The following CCSER1 variants were observed in gnomAD, a reference collection of about 807,000 sequenced individuals.
CCSER1 encodes serine-rich coiled-coil domain-containing protein 1.
In CCSER1, 41 loss-of-function variants were observed where a neutral mutation model predicts 82.0. That is an observed-to-expected ratio of 0.50 (90% confidence interval 0.39 to 0.65). The LOEUF is 0.65. Ranked by LOEUF, CCSER1 falls within the 30% of genes least tolerant of loss-of-function variation. The pLI is 0.00. For synonymous variants in CCSER1, 414 were observed against 383.9 expected (o/e 1.08, Z -0.92); for missense variants, 1,119 against 1,064.2 (o/e 1.05, Z -0.72).
At chr4:91,460,741 T>C (rs1756456562) in intron 10 of CCSER1, among the ~76,000 whole-genome samples, 1 of 152,158 alleles carries the variant, frequency 6.6e-6, no homozygotes, top group South Asian at 2.1e-4. Flanking sequence ...TGGTAAAATC[T>C]CTTATTGTGA....
chr4:90,823,277 AT>A (rs1317631807), intron 8 of CCSER1, among the ~76,000 whole-genome samples: 2 of 152,090 alleles, frequency 1.3e-5, no homozygotes, highest in Non-Finnish European at 2.9e-5. Flanking sequence ...ATTTTTTTCA[AT>A]TATCACATTT....
intron 1 of CCSER1, among the ~76,000 whole-genome samples, chr4:90,254,847 T>G (rs1010264995): frequency 2.6e-5 from 4 of 152,156 alleles, no homozygotes; most frequent in Non-Finnish European, 5.9e-5. Context: ...ATAATTTAAG[T>G]GGTTACTTTA....
chr4:91,115,861 T>TATATATATATATATA (rs757901995), intron 10 of CCSER1, among the ~76,000 whole-genome samples: 18 of 133,558 alleles, frequency 1.3e-4, no homozygotes, highest in African/African-American at 4.5e-4. Flanking sequence ...ATATATATAT[T>TATATATATATATATA]TTTTTTTATT....
chr4:91,406,321 A>G (rs189237861), intron 10 of CCSER1, among the ~76,000 whole-genome samples: 6 of 152,320 alleles, frequency 3.9e-5, no homozygotes, highest in Non-Finnish European at 7.4e-5. Context: ...GAAGTCAAAC[A>G]GCAGGGTCTC....
At chr4:91,388,233 C>A (rs1314843170) in intron 10 of CCSER1, among the ~76,000 whole-genome samples, 1 of 151,882 alleles carries the variant, frequency 6.6e-6, no homozygotes, top group Non-Finnish European at 1.5e-5. Context: ...AGAAAAGCTG[C>A]CATAACCTCT....
rs1182936689 is a variant in CCSER1, at chr4:91,348,736, A to G, written c.2218-249836A>G. 2.6e-5 allele frequency among the ~76,000 whole-genome samples: 4 copies of G among 152,280 alleles called. No individual in the cohort carries two copies. The East Asian group carries it at 7.7e-4, about 29-fold the overall frequency. On this transcript the variant is annotated intron_variant, in intron 10 of 10. Transcript: ENST00000509176. ...TCCAGGTTATCAAATGTGTGGGCACATAGTTGTTCACAATATTTTTTTATA... is the reference window on the plus strand; with the variant it reads ...TCCAGGTTATCAAATGTGTGGGCACGTAGTTGTTCACAATATTTTTTTATA...
At chr4:90,919,179 C>G (rs1391937747) in intron 8 of CCSER1, among the ~76,000 whole-genome samples, 1 of 149,924 alleles carries the variant, frequency 6.7e-6, no homozygotes, top group African/African-American at 2.5e-5. Context: ...TTATTTCCAT[C>G]TGTAATTACT....
chr4:90,732,195 G>A (rs1744885140), intron 7 of CCSER1, among the ~76,000 whole-genome samples: 1 of 152,152 alleles, frequency 6.6e-6, no homozygotes, highest in Non-Finnish European at 1.5e-5. Flanking sequence ...TAGGGTGAAT[G>A]TTCCACAGGA....
chr4:91,584,196 A>G (rs1763875214), intron 10 of CCSER1, among the ~76,000 whole-genome samples: 1 of 151,456 alleles, frequency 6.6e-6, no homozygotes, highest in Non-Finnish European at 1.5e-5. Flanking sequence ...ACGTAGTTGC[A>G]TTTGAGGGTC....
In CCSER1 at chr4:90,881,829, T is replaced by C. The variant is rs184511780; in HGVS notation, c.2095-41541T>C. On this transcript the variant is annotated intron_variant, in intron 8 of 10. Transcript: ENST00000509176. The stretch of plus-strand genomic sequence containing the variant: ...TACACAAAAAACACCTATAGATGAA[T>C]CCCACTTCATCTCCCTACTCTTCCC... Among the ~76,000 whole-genome samples the C allele has an allele frequency of 1.1e-4, 17 of 152,112 alleles. No homozygotes were observed. The East Asian group carries it at 3.3e-3, about 29-fold the overall frequency.
intron 10 of CCSER1, among the ~76,000 whole-genome samples, chr4:91,433,952 A>C (rs1754484741): frequency 6.6e-6 from 1 of 152,224 alleles, no homozygotes; most frequent in African/African-American, 2.4e-5. Context: ...ATGTTTAAGC[A>C]AATAATCATA....
intron 5 of CCSER1, among the ~76,000 whole-genome samples, chr4:90,496,971 C>CA (rs771281710): frequency 0.13 from 7,360 of 55,320 alleles, 578 homozygotes; most frequent in East Asian, 0.33. Flanking sequence ...AGCGAGACTA[C>CA]AAAAAAAAAA....
At chr4:91,459,671 C>G (rs1029552937) in intron 10 of CCSER1, among the ~76,000 whole-genome samples, 8 of 152,174 alleles carry the variant, frequency 5.3e-5, no homozygotes, top group African/African-American at 9.7e-5. Flanking sequence ...TCTGCTACCT[C>G]TGTCTTTAAG....
intron 9 of CCSER1, among the ~76,000 whole-genome samples, chr4:91,064,911 G>A (rs1454167438): frequency 6.6e-6 from 1 of 152,066 alleles, no homozygotes; most frequent in Non-Finnish European, 1.5e-5. Context: ...AGTATCTTCT[G>A]TTATCAGTAG....
At chr4:90,936,750 GTC>G (rs1487461585) in intron 9 of CCSER1, among the ~76,000 whole-genome samples, 1 of 152,030 alleles carries the variant, frequency 6.6e-6, no homozygotes, top group Non-Finnish European at 1.5e-5. Context: ...TATTCTCTCT[GTC>G]TTTCACATTC....
intron 10 of CCSER1, among the ~76,000 whole-genome samples, chr4:91,452,753 C>G (rs558902944): frequency 1.3e-5 from 2 of 152,048 alleles, no homozygotes; most frequent in African/African-American, 4.8e-5. Flanking sequence ...CTGGAGACCT[C>G]ACTTTGTTCT....
rs1039833504 is a variant in CCSER1 at position 90,696,378 on chromosome 4, A to G, written c.1933-27536A>G. 3.4e-5 allele frequency among the ~76,000 whole-genome samples: 5 copies of G among 146,316 alleles called. No homozygotes were observed. In the Admixed American group the frequency reaches 3.4e-4, roughly 10 times the overall value. On this transcript the variant is annotated intron_variant, in intron 6 of 10. Coordinates refer to ENST00000509176, the MANE Select transcript of CCSER1 (RefSeq NM_001145065.2). ...AATATGCTGGTATTTTACTATAGTT[A>G]AAATAATGAGAAACTGGTAATTTTT...
chr4:90,406,276 A>G (rs1753706159), intron 4 of CCSER1, among the ~76,000 whole-genome samples: 1 of 152,222 alleles, frequency 6.6e-6, no homozygotes, highest in African/African-American at 2.4e-5. Context: ...GAGGGACACT[A>G]TATAATGATA....
chr4:90,295,426 A>G (rs1333281112), intron 1 of CCSER1, among the ~76,000 whole-genome samples: 1 of 152,032 alleles, frequency 6.6e-6, no homozygotes, highest in Non-Finnish European at 1.5e-5. Flanking sequence ...AATGTTGATT[A>G]GTGATTTATA....
Sources: gnomAD v4.1 joint callset for allele counts (sites outside exome capture counted in the v4.1 genomes callset) on GRCh38, gnomAD v4.1.1 for gene constraint, MANE v1.5 for transcripts, NCBI Gene and HGNC (gene_info 2026-07-23, HGNC 2026-07-21) for gene names.